Variants in PLEKHA7 observed in about 807,000 individuals in gnomAD.
The protein encoded by PLEKHA7 is pleckstrin homology domain-containing family A member 7.
PLEKHA7 carries 104 observed loss-of-function variants against 170.0 expected under a neutral mutation model. The observed-to-expected ratio is 0.61, with a 90% confidence interval of 0.52 to 0.72. PLEKHA7 has a LOEUF of 0.72. Ranked by LOEUF, PLEKHA7 falls within the 30% of genes least tolerant of loss-of-function variation. The pLI is 0.00. For synonymous variants in PLEKHA7, 648 were observed against 660.8 expected (o/e 0.98, Z 0.30); for missense variants, 1,615 against 1,671.7 (o/e 0.97, Z 0.59).
intron 3 of PLEKHA7, among the ~76,000 whole-genome samples, chr11:16,882,804 G>A (rs1361280386): frequency 6.6e-6 from 1 of 152,066 alleles, no homozygotes; most frequent in Non-Finnish European, 1.5e-5. Context: ...CAATAGAATA[G>A]ACTGATATGG....
At chr11:16,888,265 G>A (rs1856318599) in intron 3 of PLEKHA7, among the ~76,000 whole-genome samples, 1 of 149,818 alleles carries the variant, frequency 6.7e-6, no homozygotes, top group Admixed American at 6.7e-5. Flanking sequence ...GAGGGAGGTG[G>A]GGGGCAGTCC....
In PLEKHA7 at chr11:16,821,111, T is replaced by G. The variant is rs541136141; in HGVS notation, c.1344-3789A>C. Among the ~76,000 whole-genome samples the G allele has an allele frequency of 1.8e-4, 27 of 152,334 alleles. No homozygotes were observed. In the South Asian group the frequency reaches 5.4e-3, roughly 30 times the overall value. ...GGACTCCCTGTCACTGAACAGGCAC[T>G]AAACAGGATATTCTGATACAGCCAT... On this transcript the variant is annotated intron_variant, in intron 10 of 26. Coordinates refer to ENST00000531066, the MANE Select transcript of PLEKHA7 (RefSeq NM_001329630.2).
At chr11:16,985,798 C>T (rs1352719144) in intron 3 of PLEKHA7, among the ~76,000 whole-genome samples, 1 of 152,194 alleles carries the variant, frequency 6.6e-6, no homozygotes, top group East Asian at 1.9e-4. Flanking sequence ...AGAGAGGATG[C>T]TAGCATGCAA....
At chr11:16,857,652 T>C (rs1853579996) in intron 4 of PLEKHA7, among the ~76,000 whole-genome samples, 1 of 152,274 alleles carries the variant, frequency 6.6e-6, no homozygotes, top group Non-Finnish European at 1.5e-5. Flanking sequence ...ATGGCAGCTG[T>C]ATCTCTAAGC....
chr11:16,850,452 T>C (rs570547525), intron 8 of PLEKHA7, among the ~76,000 whole-genome samples: 2 of 152,270 alleles, frequency 1.3e-5, no homozygotes, highest in South Asian at 4.1e-4. Context: ...ATCCTTACCT[T>C]CCCTGGGGAA....
chr11:16,853,378 T>C (rs1853148615), intron 6 of PLEKHA7, among the ~76,000 whole-genome samples: 1 of 152,252 alleles, frequency 6.6e-6, no homozygotes, highest in African/African-American at 2.4e-5. Flanking sequence ...ATCTGTTTCA[T>C]CTTCTGCAAA....
chr11:16,814,491 T>G (rs1849600623), intron 12 of PLEKHA7, among the ~76,000 whole-genome samples: 1 of 152,184 alleles, frequency 6.6e-6, no homozygotes, highest in South Asian at 2.1e-4. Context: ...TCCTTTTCTT[T>G]AATCCTTCTG....
At position 16,965,152 on chromosome 11, in the gene PLEKHA7, T is replaced by C. The variant is rs186632636; in HGVS notation, c.221+48837A>G. Reference sequence around the variant, plus strand: ...GGCGAAACCCCGTCTCTACAAAATATACAAAAAAAAACCCAAAAACATAAG... The same window carrying C: ...GGCGAAACCCCGTCTCTACAAAATACACAAAAAAAAACCCAAAAACATAAG... On this transcript the variant is annotated intron_variant, in intron 3 of 26. Coordinates refer to ENST00000531066, the MANE Select transcript of PLEKHA7 (RefSeq NM_001329630.2). 7.9e-3 allele frequency among the ~76,000 whole-genome samples: 1,100 copies of C among 139,494 alleles called. 9 individuals are homozygous for C. The highest frequency in any genetic ancestry group is 0.014 in the Non-Finnish European group (820 of 59,952). The allele number at this position is 139,494 out of a possible 152,430, so 91.5% of individuals were successfully genotyped here.
chr11:16,974,259 C>T (rs1436869447), intron 3 of PLEKHA7, among the ~76,000 whole-genome samples: 1 of 147,964 alleles, frequency 6.8e-6, no homozygotes, highest in Admixed American at 6.7e-5. Flanking sequence ...AAAGGGAGAC[C>T]CTGTCTCCAA....
chr11:16,814,031 C>A (rs1346759791), intron 12 of PLEKHA7, among the ~76,000 whole-genome samples: 1 of 152,184 alleles, frequency 6.6e-6, no homozygotes, highest in Admixed American at 6.5e-5. Context: ...AGGGCCGAGG[C>A]AGGTGGCCTT....
chr11:16,980,779 C>A (rs910356678), intron 3 of PLEKHA7, among the ~76,000 whole-genome samples: 4 of 151,996 alleles, frequency 2.6e-5, no homozygotes, highest in African/African-American at 9.7e-5. Context: ...AAAAAATTAG[C>A]AGGAGGCTGA....
intron 3 of PLEKHA7, among the ~76,000 whole-genome samples, chr11:16,877,600 AT>A (rs1286837031): frequency 3.9e-5 from 6 of 152,234 alleles, no homozygotes; most frequent in African/African-American, 1.4e-4. Flanking sequence ...TTTTGACAAT[AT>A]CAAGATTTGC....
intron 4 of PLEKHA7, among the ~76,000 whole-genome samples, chr11:16,859,719 T>C (rs1027337363): frequency 2.0e-5 from 3 of 152,222 alleles, no homozygotes; most frequent in African/African-American, 7.2e-5. Flanking sequence ...GAGTCTCACC[T>C]AAGAACCGAG....
At chr11:16,814,583 G>C (rs1260122186) in intron 12 of PLEKHA7, among the ~76,000 whole-genome samples, 3 of 152,204 alleles carry the variant, frequency 2.0e-5, no homozygotes, top group Admixed American at 2.0e-4. Flanking sequence ...CAACAGTTTA[G>C]AACATTGTGT....
intron 3 of PLEKHA7, among the ~76,000 whole-genome samples, chr11:16,875,350 TA>T (rs200521233): frequency 8.9e-5 from 12 of 135,436 alleles, no homozygotes; most frequent in African/African-American, 1.6e-4. Context: ...ACTAGAATAC[TA>T]AATTTTTTTT....
rs112095779 is a variant in PLEKHA7, at chr11:16,802,917, G to C, written c.2157+55C>G. On this transcript the variant is annotated intron_variant, in intron 15 of 26. Transcript: ENST00000531066. Reference sequence around the variant, plus strand: ...AGGGTCCAGCCTATGTCTCAAGAAAGACAGGACAAAATGTCCCTCTGCCCA... The same window carrying C: ...AGGGTCCAGCCTATGTCTCAAGAAACACAGGACAAAATGTCCCTCTGCCCA... The C allele has an allele frequency of 1.5e-3, 2,084 of 1,412,644 alleles. 22 individuals are homozygous for C. In the African/African-American group the frequency reaches 0.022, roughly 15 times the overall value. 87.5% of individuals were successfully genotyped at this position (1,412,644 alleles called of 1,614,324 possible). A position where few individuals can be genotyped will look rare whatever the true frequency, so the allele number is the denominator to read the frequency against.
intron 3 of PLEKHA7, among the ~76,000 whole-genome samples, chr11:16,929,264 GC>G (rs564271059): frequency 2.0e-4 from 30 of 152,226 alleles, no homozygotes; most frequent in African/African-American, 5.5e-4. Flanking sequence ...GGAAAAACTG[GC>G]AAGAAAATTA....
At chr11:16,824,495 A>C (rs755676328) in intron 10 of PLEKHA7, among the ~76,000 whole-genome samples, 1 of 152,286 alleles carries the variant, frequency 6.6e-6, no homozygotes, top group African/African-American at 2.4e-5. Flanking sequence ...GCCTGTATCA[A>C]AAGATCTCAT....
rs1467288139 is a variant in PLEKHA7, at chr11:17,014,397, G to T, written c.5C>A (p.Ala2Glu). The T allele has an allele frequency of 2.3e-6, 3 of 1,326,520 alleles. No individual in the cohort carries two copies. The highest frequency in any genetic ancestry group is 2.9e-6 in the Non-Finnish European group (3 of 1,024,450). 82.2% of individuals were successfully genotyped at this position (1,326,520 alleles called of 1,614,324 possible). The change falls in exon 1 of 27, where the codon GCG becomes GAG. Residue 2 changes from alanine to glutamate, a missense_variant. Physicochemically the swap from Ala to Glu is moderately radical, Grantham distance 107. Coordinates refer to ENST00000531066, the MANE Select transcript of PLEKHA7 (RefSeq NM_001329630.2). M[A>E]AATVGRDTLP... ...AGTGTCCCGCCCGACCGTCGCCGCCGCCATGTTCGCCGAGCGCGGAGCCGC... is the reference window on the plus strand; with the variant it reads ...AGTGTCCCGCCCGACCGTCGCCGCCTCCATGTTCGCCGAGCGCGGAGCCGC...
Sources: gnomAD v4.1 joint callset for allele counts (sites outside exome capture counted in the v4.1 genomes callset) on GRCh38, gnomAD v4.1.1 for gene constraint, MANE v1.5 for transcripts, NCBI Gene and HGNC (gene_info 2026-07-23, HGNC 2026-07-21) for gene names.